Variants in MYO6 observed in about 807,000 individuals in gnomAD.
MYO6 encodes unconventional myosin-VI.
MYO6 carries 74 observed loss-of-function variants against 178.7 expected under a neutral mutation model. The observed-to-expected ratio is 0.41, with a 90% CI of 0.34 to 0.50. MYO6 has a LOEUF of 0.50. Among genes scored for constraint, MYO6 ranks in the 20% least tolerant of loss-of-function variants. The pLI, the probability that MYO6 is intolerant of heterozygous loss-of-function variation, is 0.09. For synonymous variants in MYO6, 477 were observed against 504.6 expected (o/e 0.95, Z 0.73); for missense variants, 1,330 against 1,547.4 (o/e 0.86, Z 2.36).
At chr6:75,787,722 CTCTCTCTCTA>C (rs1278017354) in intron 1 of MYO6, among the ~76,000 whole-genome samples, 127 of 29,066 alleles carry the variant, frequency 4.4e-3, no homozygotes, top group East Asian at 6.9e-3. Flanking sequence ...CTCTCTCTCT[CTCTCTCTCTA>C]TATATATATA....
chr6:75,877,212 A>T (rs527649762), intron 20 of MYO6, among the ~76,000 whole-genome samples: 1 of 151,444 alleles, frequency 6.6e-6, no homozygotes, highest in Admixed American at 6.6e-5. Context: ...ACCTCAGGTG[A>T]TCCGCCTGCC....
At chr6:75,911,563 T>G (rs1201147755) in intron 32 of MYO6, 109 bp from the exon 33 acceptor site, 3 of 940,958 alleles carry the variant, frequency 3.2e-6, no homozygotes, top group Non-Finnish European at 5.1e-6. Context: ...GATAGGATAT[T>G]TACTTTTCAG....
At chr6:75,827,404 A>T (rs1772590601) in intron 3 of MYO6, among the ~76,000 whole-genome samples, 1 of 152,212 alleles carries the variant, frequency 6.6e-6, no homozygotes, top group African/African-American at 2.4e-5. Flanking sequence ...AGTTAGTATT[A>T]AGGTGAATTG....
intron 23 of MYO6, among the ~76,000 whole-genome samples, chr6:75,884,497 G>C (rs764625188): frequency 6.6e-6 from 1 of 152,176 alleles, no homozygotes; most frequent in Admixed American, 6.5e-5. Context: ...TATTGTAACT[G>C]CCCAGTGGGT....
intron 3 of MYO6, among the ~76,000 whole-genome samples, chr6:75,823,300 A>G (rs1195475151): frequency 6.6e-6 from 1 of 152,256 alleles, no homozygotes; most frequent in Non-Finnish European, 1.5e-5. Flanking sequence ...AATTAATTTC[A>G]GAACAATTAT....
At chr6:75,764,409 C>T (rs1452025131) in intron 1 of MYO6, among the ~76,000 whole-genome samples, 1 of 152,160 alleles carries the variant, frequency 6.6e-6, no homozygotes, top group Non-Finnish European at 1.5e-5. Context: ...TTTAGTCATT[C>T]TTACCCATCT....
chr6:75,910,115 GT>G (rs1407139885), intron 32 of MYO6, among the ~76,000 whole-genome samples: 1 of 152,088 alleles, frequency 6.6e-6, no homozygotes, highest in African/African-American at 2.4e-5. Flanking sequence ...CTCTTCTCCA[GT>G]TTCATATTTT....
intron 1 of MYO6, among the ~76,000 whole-genome samples, chr6:75,780,081 G>A (rs1178164878): frequency 6.6e-6 from 1 of 152,172 alleles, no homozygotes; most frequent in African/African-American, 2.4e-5. Context: ...TTGGGTAATG[G>A]GGGCTGGAGG....
chr6:75,777,011 G>A (rs1243533635), intron 1 of MYO6, among the ~76,000 whole-genome samples: 1 of 152,030 alleles, frequency 6.6e-6, no homozygotes, highest in Admixed American at 6.6e-5. Context: ...TAATCGATAG[G>A]TATTCAGATG....
rs943526828 is a variant in MYO6, at chr6:75,835,974, G to C, written c.553+18G>C. 1.6e-5 allele frequency: 25 copies of C among 1,549,412 alleles called. No individual in the cohort carries two copies. Among genetic ancestry groups the C allele is most frequent in the Non-Finnish European group, 2.2e-5 (25 of 1,120,920 alleles). On this transcript the variant is annotated intron_variant, in intron 7 of 34. Transcript: ENST00000369977. ...TGTTGAAGGTATTGCTAATTTTTCA[G>C]TTGTTACGCGTGTACTGAAATTAAT... is the stretch of plus-strand genomic sequence containing the variant.
At chr6:75,879,792 A>C in intron 20 of MYO6, 28 bp from the exon 21 acceptor site, 2 of 1,614,146 alleles carry the variant, frequency 1.2e-6, no homozygotes, top group Non-Finnish European at 1.7e-6. Flanking sequence ...AGTGATTGAC[A>C]GTGCTTTGTG....
intron 3 of MYO6, among the ~76,000 whole-genome samples, chr6:75,824,560 A>G (rs1772237830): frequency 6.6e-6 from 1 of 151,918 alleles, no homozygotes; most frequent in Non-Finnish European, 1.5e-5. Flanking sequence ...GCACACACAC[A>G]CACATGCACA....
At chr6:75,861,137 T>C in intron 15 of MYO6, 42 bp downstream of exon 15, 4 of 1,406,882 alleles carry the variant, frequency 2.8e-6, no homozygotes, top group East Asian at 2.3e-5. Context: ...TATAGGAAGA[T>C]GTAGTGAATG....
intron 6 of MYO6, among the ~76,000 whole-genome samples, chr6:75,835,594 G>T (rs927325383): frequency 6.6e-6 from 1 of 152,054 alleles, no homozygotes; most frequent in African/African-American, 2.4e-5. Flanking sequence ...AGCATGCCTG[G>T]CTAATTTTTT....
chr6:75,880,569 A>T (rs1268235060), intron 22 of MYO6, among the ~76,000 whole-genome samples: 1 of 152,334 alleles, frequency 6.6e-6, no homozygotes, highest in Non-Finnish European at 1.5e-5. Context: ...CCTGGGCCAC[A>T]TGTGGCCCAT....
At chr6:75,900,243 A>C (rs1362287063) in intron 30 of MYO6, among the ~76,000 whole-genome samples, 1 of 152,102 alleles carries the variant, frequency 6.6e-6, no homozygotes, top group Non-Finnish European at 1.5e-5. Context: ...TCCTTTGAGT[A>C]TATACCCAGA....
At chr6:75,790,793 G>A (rs966866962) in intron 1 of MYO6, among the ~76,000 whole-genome samples, 6 of 152,080 alleles carry the variant, frequency 3.9e-5, no homozygotes, top group African/African-American at 1.4e-4. Flanking sequence ...AATTTTTGTA[G>A]GAGATAATTG....
rs750095315 is a variant in MYO6 at position 75,896,636 on chromosome 6, C to T, written c.3137+1376C>T. Among the ~76,000 whole-genome samples the T allele has an allele frequency of 6.6e-4, 100 of 152,130 alleles. 1 individual carries two copies. The highest frequency in any genetic ancestry group is 5.1e-4 in the Non-Finnish European group (35 of 68,022). On this transcript the variant is annotated intron_variant, in intron 29 of 34. Transcript: ENST00000369977. ...AATATGTGTTTGTATGTGTTTTTCA[C>T]CTCTGTATGTCTCACAGACATGTTA...
chr6:75,862,858 A>G, intron 16 of MYO6, 135 bp downstream of exon 16: 11 of 1,014,766 alleles, frequency 1.1e-5, no homozygotes, highest in Non-Finnish European at 1.7e-5. Context: ...TATATCCAGC[A>G]CAGTATCTTC....
Sources: allele counts gnomAD v4.1 joint callset (sites outside exome capture counted in the v4.1 genomes callset), GRCh38; gene constraint gnomAD v4.1.1; transcripts MANE v1.5; gene names NCBI Gene and HGNC (gene_info 2026-07-23, HGNC 2026-07-21).